The following SCARA3 variants were observed in gnomAD, a reference collection of about 807,000 sequenced individuals.
The protein encoded by SCARA3 is scavenger receptor class A member 3.
A neutral mutation model predicts 47.0 loss-of-function variants in SCARA3; 39 were observed. The ratio of observed to expected loss-of-function variants is 0.83; its 90% CI spans 0.64 to 1.08. The LOEUF (loss-of-function observed/expected upper bound fraction) is 1.08. Among genes scored for constraint, SCARA3 ranks in the 50% least tolerant of loss-of-function variants. SCARA3 has a pLI of 0.00. For synonymous variants in SCARA3, 356 were observed against 334.1 expected (o/e 1.07, Z -0.71); for missense variants, 724 against 792.3 (o/e 0.91, Z 1.04).
chr8:27,671,256 C>A lies in SCARA3; in HGVS notation c.1726C>A (p.Arg576=). The change falls in exon 6 of 6, where the codon CGG becomes AGG. Residue 576 remains arginine (R), a synonymous_variant. Coordinates refer to ENST00000301904, the MANE Select transcript of SCARA3 (RefSeq NM_016240.3). The stretch of plus-strand genomic sequence containing the variant: ...AGGGAAGACAGGGTCACCAGGCCAG[C>A]GGGGGGCCATGGGGCCTAAGGGTGA... ...IAGKTGSPGQ[R]GAMGPKGEPG... 6.7e-7 allele frequency: 1 copy of A among 1,486,908 alleles called. No individual in the cohort carries two copies. The highest frequency in any genetic ancestry group is 8.9e-7 in the Non-Finnish European group (1 of 1,122,902). The allele number at this position is 1,486,908 out of a possible 1,614,324, so 92.1% of individuals were successfully genotyped here. A position where few individuals can be genotyped will look rare whatever the true frequency, so the allele number is the denominator to read the frequency against.
the SCARA3 span, among the ~76,000 whole-genome samples, chr8:27,704,520 C>T: frequency 6.6e-6 from 1 of 152,274 alleles, no homozygotes; most frequent in Non-Finnish European, 1.5e-5. Context: ...ATTCCTGGAT[C>T]TCAGTGCTGC....
intron 1 of SCARA3, among the ~76,000 whole-genome samples, chr8:27,641,369 G>A (rs1208161889): frequency 2.6e-5 from 4 of 152,216 alleles, no homozygotes; most frequent in Non-Finnish European, 5.9e-5. Flanking sequence ...TCATGGTCTT[G>A]ATCCTTTCAG....
chr8:27,711,915 A>G, the SCARA3 span, among the ~76,000 whole-genome samples: 1 of 152,140 alleles, frequency 6.6e-6, no homozygotes, highest in African/African-American at 2.4e-5. Context: ...GACACACATT[A>G]TTACCCAAAG....
At chr8:27,678,070 A>C (rs983002730), downstream of SCARA3, among the ~76,000 whole-genome samples, 2 of 152,252 alleles carry the variant, frequency 1.3e-5, no homozygotes, top group Non-Finnish European at 2.9e-5. Context: ...AAATTATAAC[A>C]TTAAACATTT....
rs981434847 is a variant in SCARA3 at position 27,671,905 on chromosome 8, C to T, written c.*554C>T. The T allele has an allele frequency of 2.0e-5, 20 of 985,330 alleles. No homozygotes were observed. Among genetic ancestry groups the T allele is most frequent in the Non-Finnish European group, 2.2e-5 (18 of 829,944 alleles). The allele number at this position is 985,330 out of a possible 1,614,324, so 61.0% of individuals were successfully genotyped here. On this transcript the variant is annotated 3_prime_UTR_variant, in exon 6 of 6. Coordinates refer to ENST00000301904, the MANE Select transcript of SCARA3 (RefSeq NM_016240.3). ...CAGGAGGAGAGGGCAGAGGAAGACC[C>T]CCTCTCCTGTGACTGAGCCTGCCAG...
the SCARA3 span, among the ~76,000 whole-genome samples, chr8:27,713,877 G>C: frequency 4.6e-5 from 7 of 152,298 alleles, no homozygotes; most frequent in East Asian, 1.4e-3. Context: ...AAGCCCCATT[G>C]CTGGAGGTAG....
intron 1 of SCARA3, among the ~76,000 whole-genome samples, chr8:27,641,046 C>T (rs775662331): frequency 1.3e-5 from 2 of 152,212 alleles, no homozygotes; most frequent in African/African-American, 2.4e-5. Flanking sequence ...TAAGACTCTA[C>T]GAGCATTTAT....
At chr8:27,698,531 G>A in the SCARA3 span, among the ~76,000 whole-genome samples, 1 of 151,990 alleles carries the variant, frequency 6.6e-6, no homozygotes, top group Admixed American at 6.6e-5. Context: ...AACGAAATAA[G>A]ACAAACAAAG....
chr8:27,667,540 C>T (rs548787208), intron 5 of SCARA3, among the ~76,000 whole-genome samples: 2 of 152,196 alleles, frequency 1.3e-5, no homozygotes, highest in African/African-American at 4.8e-5. Context: ...TAGAGCCTCT[C>T]GGGTCTGGAT....
chr8:27,640,972 C>T (rs1274441777), intron 1 of SCARA3, among the ~76,000 whole-genome samples: 1 of 152,232 alleles, frequency 6.6e-6, no homozygotes, highest in East Asian at 1.9e-4. Flanking sequence ...GCTGGGATTA[C>T]AGGCGTGAGC....
chr8:27,696,616 AT>A, the SCARA3 span, among the ~76,000 whole-genome samples: 25 of 134,160 alleles, frequency 1.9e-4, no homozygotes, highest in Admixed American at 3.1e-4. Flanking sequence ...CACCTGGCTA[AT>A]TTTTTTTTTT....
intron 5 of SCARA3, among the ~76,000 whole-genome samples, chr8:27,660,587 C>A (rs1449490624): frequency 2.9e-5 from 4 of 138,708 alleles, no homozygotes; most frequent in Admixed American, 7.1e-5. Context: ...ATAGATAGAT[C>A]CAGAGAAGCA....
At chr8:27,657,153 C>A (rs1801760563) in intron 4 of SCARA3, among the ~76,000 whole-genome samples, 1 of 152,194 alleles carries the variant, frequency 6.6e-6, no homozygotes, top group African/African-American at 2.4e-5. Context: ...AAAGATAGTC[C>A]ATTCCCAAAA....
Position 27,637,490 on chromosome 8 carries a change from G to A in SCARA3, c.7+3283G>A, listed in dbSNP as rs572750425. Among the ~76,000 whole-genome samples the A allele has an allele frequency of 8.0e-4, 122 of 152,276 alleles. 1 individual carries two copies. The highest frequency in any genetic ancestry group is 1.1e-3 in the Non-Finnish European group (78 of 68,018). ...AGTCGAAGACATGGGCTTTAGTCCC[G>A]GCCCCATCATCTGCCCTCTTCGGCC... On this transcript the variant is annotated intron_variant, in intron 1 of 5. Coordinates refer to ENST00000301904, the MANE Select transcript of SCARA3 (RefSeq NM_016240.3).
Position 27,659,105 on chromosome 8 carries a change from A to T in SCARA3, c.935A>T (p.Asp312Val), listed in dbSNP as rs770941229. Residue 312 changes from aspartate (D) to valine (V), a missense_variant, in exon 5 of 6, where the codon GAT becomes GTT. Transcript: ENST00000301904. ...GTCATGGGCTTGCAGCTGCAGCTGG[A>T]TAACATCTCGTCCTTCCTGGATGAC... Reference protein sequence around the residue: ...LQVMGLQLQLDNISSFLDDHE... With the variant: ...LQVMGLQLQLVNISSFLDDHE... The T allele has an allele frequency of 8.7e-6, 14 of 1,614,020 alleles. No individual in the cohort carries two copies. Among genetic ancestry groups the T allele is most frequent in the Admixed American group, 6.7e-5 (4 of 59,998 alleles).
the SCARA3 span, among the ~76,000 whole-genome samples, chr8:27,730,259 C>A: frequency 1.3e-5 from 2 of 152,174 alleles, no homozygotes; most frequent in African/African-American, 4.8e-5. Flanking sequence ...GTAGGGACAC[C>A]AAGTGGCTCC....
chr8:27,656,477 C>T (rs374251784), intron 3 of SCARA3, among the ~76,000 whole-genome samples: 1 of 152,094 alleles, frequency 6.6e-6, no homozygotes, highest in Admixed American at 6.5e-5. Context: ...TGGCAGCAAC[C>T]TTTGGGTGGT....
At chr8:27,668,827 C>G (rs953627560) in intron 5 of SCARA3, among the ~76,000 whole-genome samples, 2 of 152,264 alleles carry the variant, frequency 1.3e-5, no homozygotes, top group Non-Finnish European at 2.9e-5. Context: ...CAGAGGAAGA[C>G]CCTGTCTCGG....
chr8:27,729,413 A>C, the SCARA3 span, among the ~76,000 whole-genome samples: 1 of 152,192 alleles, frequency 6.6e-6, no homozygotes, highest in African/African-American at 2.4e-5. Context: ...CAGAATGTAC[A>C]GTCCTGCTCT....
Sources: allele counts gnomAD v4.1 joint callset (sites outside exome capture counted in the v4.1 genomes callset), GRCh38; gene constraint gnomAD v4.1.1; transcripts MANE v1.5; gene names NCBI Gene and HGNC (gene_info 2026-07-23, HGNC 2026-07-21).